The following ITGA8 variants were observed in gnomAD, a reference collection of about 807,000 sequenced individuals.
ITGA8 encodes integrin alpha-8.
Under a neutral mutation model 142.3 loss-of-function variants are expected in ITGA8, and 91 were observed. The observed-to-expected ratio is 0.64, with a 90% CI of 0.54 to 0.76. ITGA8 has a LOEUF of 0.76. ITGA8 is among the 30% of genes least tolerant of loss of function. The probability of loss-of-function intolerance (pLI) is 0.00; values close to 1 mark genes in which losing one functional copy is unlikely to be tolerated. For missense variants in ITGA8, 1,406 were observed against 1,327.7 expected, an observed-to-expected ratio of 1.06 and a Z score of -0.92; for synonymous variants, 505 against 485.2, an observed-to-expected ratio of 1.04 and a Z score of -0.54.
chr10:15,659,244 A>G (rs1269719878), intron 9 of ITGA8, among the ~76,000 whole-genome samples, 189 bp from the exon 10 acceptor site: 1 of 152,002 alleles, frequency 6.6e-6, no homozygotes, highest in Non-Finnish European at 1.5e-5. Flanking sequence ...GTTTTTGTTT[A>G]TGGTTAAGTC....
rs1238755233 is a variant in ITGA8 at position 15,694,701 on chromosome 10, A to ATATATATATG, written c.344-6664_344-6663insCATATATATA. 1.1e-4 allele frequency among the ~76,000 whole-genome samples: 15 copies of ATATATATATG among 137,698 alleles called. No homozygotes were observed. In the East Asian group the frequency reaches 2.9e-3, roughly 27 times the overall value. 90.3% of individuals were successfully genotyped at this position (137,698 alleles called of 152,430 possible). ...GACATATATATATATATATATATAT[A>ATATATATATG]TGTCGACATATGTATTTCTCTCTTA... On this transcript the variant is annotated intron_variant, in intron 2 of 29. Coordinates refer to ENST00000378076, the MANE Select transcript of ITGA8 (RefSeq NM_003638.3).
rs368699757 is a variant in ITGA8 at position 15,621,812 on chromosome 10, A to T, written c.1400-5253T>A. Among the ~76,000 whole-genome samples the T allele has an allele frequency of 7.2e-5, 11 of 152,198 alleles. No individual in the cohort carries two copies. In the East Asian group the frequency reaches 9.7e-4, roughly 13 times the overall value. ...AGCCCAGGAGTTTGAGATTGCAGTG[A>T]GCTATGATGGTGCCACTGCACTCCA... On this transcript the variant is annotated intron_variant, in intron 13 of 29. Transcript: ENST00000378076.
At chr10:15,570,209 A>G (rs1834152898) in intron 25 of ITGA8, among the ~76,000 whole-genome samples, 1 of 152,234 alleles carries the variant, frequency 6.6e-6, no homozygotes, top group Non-Finnish European at 1.5e-5. Context: ...TAAATCTTAT[A>G]TTCAATTTCC....
chr10:15,603,261 G>T (rs982046282), intron 20 of ITGA8, among the ~76,000 whole-genome samples: 54 of 152,118 alleles, frequency 3.5e-4, no homozygotes, highest in African/African-American at 1.2e-3. Flanking sequence ...ACAACAGTTT[G>T]TTAACATCTG....
At position 15,612,408 on chromosome 10, in the gene ITGA8, C is replaced by T. The variant is rs551138886; in HGVS notation, c.1553+1252G>A. ...CTGACATTCTCAGAAACCAAAAATA[C>T]TGTCTGAGTTAGACCACGTCTCCTG... On this transcript the variant is annotated intron_variant, in intron 15 of 29. Transcript: ENST00000378076. Among the ~76,000 whole-genome samples, 174 of 152,326 alleles carry T rather than the reference C, an allele frequency of 1.1e-3. 1 individual carries two copies. Among genetic ancestry groups the T allele is most frequent in the African/African-American group, 4.0e-3 (167 of 41,566 alleles).
chr10:15,518,018 C>T (rs1343959900), intron 29 of ITGA8, among the ~76,000 whole-genome samples: 1 of 152,182 alleles, frequency 6.6e-6, no homozygotes, highest in Admixed American at 6.5e-5. Context: ...CTTGGTGGAA[C>T]ATAGAGCATA....
At chr10:15,612,346 T>G (rs1425018965) in intron 15 of ITGA8, among the ~76,000 whole-genome samples, 2 of 152,194 alleles carry the variant, frequency 1.3e-5, no homozygotes, top group Non-Finnish European at 2.9e-5. Context: ...TGGCTGGAAA[T>G]AACTTCTCTG....
intron 18 of ITGA8, among the ~76,000 whole-genome samples, chr10:15,606,008 G>T (rs1564371258): frequency 6.6e-6 from 1 of 152,136 alleles, no homozygotes; most frequent in Non-Finnish European, 1.5e-5. Flanking sequence ...TATCTGCAAA[G>T]AATGCAACTC....
At chr10:15,556,454 G>A (rs1311451093) in intron 26 of ITGA8, among the ~76,000 whole-genome samples, 1 of 152,156 alleles carries the variant, frequency 6.6e-6, no homozygotes, top group African/African-American at 2.4e-5. Context: ...TATGGGGCAG[G>A]AAGTACGTGC....
At chr10:15,539,700 T>C (rs1833529832) in intron 27 of ITGA8, among the ~76,000 whole-genome samples, 4 of 152,168 alleles carry the variant, frequency 2.6e-5, no homozygotes, top group Admixed American at 6.5e-5. Flanking sequence ...TGGAGGTACA[T>C]GTGATATTTT....
intron 2 of ITGA8, among the ~76,000 whole-genome samples, chr10:15,696,366 T>A (rs994127887): frequency 2.4e-4 from 37 of 151,940 alleles, no homozygotes; most frequent in African/African-American, 8.0e-4. Flanking sequence ...AAAGTGAAAA[T>A]TTTTCAAGAA....
intron 22 of ITGA8, among the ~76,000 whole-genome samples, chr10:15,589,942 T>C (rs1487950802): frequency 1.3e-5 from 2 of 152,000 alleles, no homozygotes; most frequent in Non-Finnish European, 2.9e-5. Flanking sequence ...TTTGTACTTT[T>C]AGTAGAGAAA....
At chr10:15,672,850 C>CT in intron 6 of ITGA8, 101 bp from the exon 7 acceptor site, 1 of 1,304,598 alleles carries the variant, frequency 7.7e-7, no homozygotes, top group South Asian at 1.7e-5. Flanking sequence ...GAATTGCTTG[C>CT]TTTTTTGATG....
rs1564388920 is a variant in ITGA8, at chr10:15,644,473, TATATATATATATATATATAG to T, written c.1208-272_1208-253del. On this transcript the variant is annotated intron_variant, in intron 12 of 29. Coordinates refer to ENST00000378076, the MANE Select transcript of ITGA8 (RefSeq NM_003638.3). The stretch of plus-strand genomic sequence containing the variant: ...ATATATATATATATATATATATATA[TATATATATATATATATATAG>T]AATTTTTTTTTTTTTTTGAGCAATG... Among the ~76,000 whole-genome samples the T allele has an allele frequency of 3.3e-3, 81 of 24,212 alleles. 1 individual carries two copies. Among genetic ancestry groups the T allele is most frequent in the East Asian group, 0.014 (5 of 356 alleles). The allele number at this position is 24,212 out of a possible 152,430, so 15.9% of individuals were successfully genotyped here.
chr10:15,516,195 G>A lies in ITGA8; in HGVS notation c.*963C>T, dbSNP rs9333255. The A allele has an allele frequency of 9.3e-3, 1,423 of 152,228 alleles. 20 individuals carry two copies. Among genetic ancestry groups the A allele is most frequent in the African/African-American group, 0.033 (1,376 of 41,534 alleles). 9.4% of individuals were successfully genotyped at this position (152,228 alleles called of 1,614,324 possible). A position where few individuals can be genotyped will look rare whatever the true frequency, so the allele number is the denominator to read the frequency against. On this transcript the variant is annotated 3_prime_UTR_variant, in exon 30 of 30. Coordinates refer to ENST00000378076, the MANE Select transcript of ITGA8 (RefSeq NM_003638.3). ...TAATGAACTCTAGACATTTTACCAT[G>A]ACTTTTAAACACTCCAAAGGTAGAG...
At chr10:15,677,701 G>C in intron 5 of ITGA8, 64 bp from the exon 6 acceptor site, 1 of 1,494,864 alleles carries the variant, frequency 6.7e-7, no homozygotes, top group Non-Finnish European at 9.2e-7. Flanking sequence ...TTTTTAAAGG[G>C]TGATAAATTG....
intron 25 of ITGA8, among the ~76,000 whole-genome samples, chr10:15,570,899 G>T (rs1834168998): frequency 6.6e-6 from 1 of 152,138 alleles, no homozygotes; most frequent in Non-Finnish European, 1.5e-5. Context: ...TGTGCTCAAA[G>T]AATCTATGAC....
At chr10:15,623,655 C>T (rs916869037) in intron 13 of ITGA8, among the ~76,000 whole-genome samples, 4 of 152,116 alleles carry the variant, frequency 2.6e-5, no homozygotes, top group African/African-American at 4.8e-5. Context: ...CACTGCACTC[C>T]AGCCAGGGTG....
chr10:15,598,597 T>C (rs1355904189), intron 20 of ITGA8, among the ~76,000 whole-genome samples: 1 of 152,148 alleles, frequency 6.6e-6, no homozygotes, highest in East Asian at 1.9e-4. Context: ...TAGAGCAAAC[T>C]TGGACACAAA....
Sources: allele counts gnomAD v4.1 joint callset (sites outside exome capture counted in the v4.1 genomes callset), GRCh38; gene constraint gnomAD v4.1.1; transcripts MANE v1.5; gene names NCBI Gene and HGNC (gene_info 2026-07-23, HGNC 2026-07-21).